Variants in UBE3C observed in about 807,000 individuals in gnomAD.
The protein encoded by UBE3C is ubiquitin-protein ligase E3C.
In UBE3C, 42 loss-of-function variants were observed where a neutral mutation model predicts 129.4. The ratio of observed to expected loss-of-function variants is 0.32; its 90% CI spans 0.25 to 0.42. The LOEUF is 0.42. UBE3C is among the 10% of genes least tolerant of loss of function. The probability of loss-of-function intolerance (pLI) is 1.00; values close to 1 mark genes in which losing one functional copy is unlikely to be tolerated. For synonymous variants in UBE3C, 510 were observed against 492.4 expected (o/e 1.04, Z -0.47); for missense variants, 1,049 against 1,319.1 (o/e 0.80, Z 3.17).
At chr7:157,167,339 A>G (rs190195309) in intron 2 of UBE3C, among the ~76,000 whole-genome samples, 2 of 152,206 alleles carry the variant, frequency 1.3e-5, no homozygotes, top group Non-Finnish European at 2.9e-5. Flanking sequence ...TGTAGATGGC[A>G]TTCATAGAAG....
At chr7:157,220,636 C>T in intron 14 of UBE3C, 53 bp from the exon 15 acceptor site, 2 of 1,606,638 alleles carry the variant, frequency 1.2e-6, no homozygotes. Flanking sequence ...GTGATCAGGT[C>T]AAAGTGTGTG....
At chr7:157,159,322 AT>A (rs1401787467) in intron 1 of UBE3C, among the ~76,000 whole-genome samples, 2 of 132,714 alleles carry the variant, frequency 1.5e-5, no homozygotes, top group Non-Finnish European at 1.5e-5. Flanking sequence ...AAAAGAAAAG[AT>A]TAAAAAAAAA....
chr7:157,201,668 T>TTTTAATAATTAA, intron 10 of UBE3C, 53 bp from the exon 11 acceptor site: 1 of 841,470 alleles, frequency 1.2e-6, no homozygotes, highest in Non-Finnish European at 1.7e-6. Flanking sequence ...TAAGAAATGT[T>TTTTAATAATTAA]TTGAATAAGT....
At chr7:157,142,756 G>A (rs540180759) in intron 1 of UBE3C, among the ~76,000 whole-genome samples, 29 of 152,234 alleles carry the variant, frequency 1.9e-4, no homozygotes, top group African/African-American at 6.5e-4. Flanking sequence ...CTCACTCCCC[G>A]GGTAATGGGA....
chr7:157,266,129 A>G (rs1797071885), intron 22 of UBE3C, among the ~76,000 whole-genome samples: 1 of 152,074 alleles, frequency 6.6e-6, no homozygotes. Flanking sequence ...CCTGGCTAAC[A>G]TGGTGAAACC....
intron 10 of UBE3C, among the ~76,000 whole-genome samples, chr7:157,194,761 T>C (rs1809070523): frequency 6.6e-6 from 1 of 152,218 alleles, no homozygotes; most frequent in African/African-American, 2.4e-5. Flanking sequence ...GGGTCCTTGT[T>C]ACATAGTGGC....
intron 1 of UBE3C, among the ~76,000 whole-genome samples, chr7:157,148,578 T>C (rs1807669523): frequency 6.6e-6 from 1 of 152,224 alleles, no homozygotes; most frequent in Non-Finnish European, 1.5e-5. Context: ...ATATTTTAAC[T>C]TAAAATGTTT....
At chr7:157,149,067 G>A (rs946011404) in intron 1 of UBE3C, among the ~76,000 whole-genome samples, 2 of 150,002 alleles carry the variant, frequency 1.3e-5, no homozygotes, top group Non-Finnish European at 3.0e-5. Flanking sequence ...TTCTTTTTTT[G>A]TTTTTTGAGA....
intron 2 of UBE3C, chr7:157,164,602 G>T: frequency 8.4e-6 from 3 of 359,142 alleles, no homozygotes; most frequent in East Asian, 7.7e-5. Flanking sequence ...TCTTTAAATA[G>T]CTTTATTTTG....
chr7:157,256,811 A>C (rs758293966), intron 21 of UBE3C, 103 bp from the exon 22 acceptor site: 1 of 1,461,774 alleles, frequency 6.8e-7, no homozygotes, highest in Non-Finnish European at 9.3e-7. Context: ...GGACTTGAGG[A>C]TCCATGGACT....
chr7:157,152,857 CTACATCTTT>C (rs1807795918), intron 1 of UBE3C, among the ~76,000 whole-genome samples: 1 of 152,106 alleles, frequency 6.6e-6, no homozygotes, highest in African/African-American at 2.4e-5. Context: ...TCCAACAGTC[CTACATCTTT>C]TGGAACTAAT....
chr7:157,253,905 T>G (rs1796679130), intron 19 of UBE3C, 49 bp from the exon 20 acceptor site: 1 of 1,479,670 alleles, frequency 6.8e-7, no homozygotes, highest in Non-Finnish European at 9.1e-7. Flanking sequence ...TTTTTTAACC[T>G]ATTATCATAC....
intron 8 of UBE3C, 82 bp downstream of exon 8, chr7:157,182,410 C>G: frequency 7.1e-7 from 1 of 1,413,892 alleles, no homozygotes; most frequent in Non-Finnish European, 9.7e-7. Context: ...CATGCAGTGG[C>G]AGGTGTTATG....
At chr7:157,181,943 T>A (rs1445634945) in intron 7 of UBE3C, among the ~76,000 whole-genome samples, 165 bp from the exon 8 acceptor site, 2 of 152,264 alleles carry the variant, frequency 1.3e-5, no homozygotes, top group Non-Finnish European at 2.9e-5. Flanking sequence ...GAGAAGACAT[T>A]AAGTTTACTT....
chr7:157,231,484 G>A (rs1437932715), intron 18 of UBE3C, 157 bp downstream of exon 18: 10 of 1,072,436 alleles, frequency 9.3e-6, no homozygotes, highest in South Asian at 1.6e-5. Context: ...AATTTGTATG[G>A]TTGTAAGTAG....
chr7:157,149,367 C>T (rs1162945887), intron 1 of UBE3C, among the ~76,000 whole-genome samples: 1 of 152,048 alleles, frequency 6.6e-6, no homozygotes, highest in East Asian at 1.9e-4. Flanking sequence ...GGAATTCAAC[C>T]GATTTTTAAA....
At chr7:157,219,326 C>T (rs1006552758) in intron 14 of UBE3C, among the ~76,000 whole-genome samples, 1 of 152,202 alleles carries the variant, frequency 6.6e-6, no homozygotes, top group East Asian at 1.9e-4. Flanking sequence ...TCCCTTATCT[C>T]ATCACCAGCT....
rs369300794 is a variant in UBE3C at position 157,220,720 on chromosome 7, A to G, written c.1946A>G (p.His649Arg). 45 of 1,614,010 alleles carry G rather than the reference A, an allele frequency of 2.8e-5. No homozygotes were observed. The Admixed American group carries it at 3.2e-4, about 11-fold the overall frequency. Residue 649 changes from histidine to arginine, a missense_variant, in exon 15 of 23, where the codon CAT becomes CGT. This residue lies in a region of UBE3C where 314 missense variants were observed against 416.9 expected (regional missense o/e 0.75). Transcript: ENST00000348165. ...VTQLYVPASR[H>R]VWRFRRMGRI... The stretch of plus-strand genomic sequence containing the variant: ...CAGCTCTATGTGCCAGCATCCAGAC[A>G]TGTGTGGAGGTTCCGGCGGATGGGG...
Position 157,181,689 on chromosome 7 carries a change from T to C in UBE3C, c.770+18T>C. The C allele has an allele frequency of 1.2e-6, 2 of 1,609,174 alleles. No homozygotes were observed. The highest frequency in any genetic ancestry group is 1.7e-6 in the Non-Finnish European group (2 of 1,178,932). On this transcript the variant is annotated intron_variant, in intron 7 of 22. Coordinates refer to ENST00000348165, the MANE Select transcript of UBE3C (RefSeq NM_014671.3). ...GGTGCGAGGTGAGACTGGAATGGATTTATTGATTTTGTCCTTTCACAAGAT... is the reference window on the plus strand; with the variant it reads ...GGTGCGAGGTGAGACTGGAATGGATCTATTGATTTTGTCCTTTCACAAGAT...
Sources: allele counts gnomAD v4.1 joint callset (sites outside exome capture counted in the v4.1 genomes callset), GRCh38; gene constraint gnomAD v4.1.1; regional missense constraint gnomAD v4.1.1; transcripts MANE v1.5; gene names NCBI Gene and HGNC (gene_info 2026-07-23, HGNC 2026-07-21).